RBM4: variants seen among roughly 807,000 people sequenced by gnomAD.
RBM4 encodes RNA binding motif protein 4, also known as RNA-binding protein 4.
In RBM4, 7 loss-of-function variants were observed where a neutral mutation model predicts 29.5. The ratio of observed to expected loss-of-function variants is 0.24; its 90% CI spans 0.14 to 0.45. RBM4 has a LOEUF of 0.45. Ranked by LOEUF, RBM4 falls within the 20% of genes least tolerant of loss-of-function variation. The pLI, the probability that RBM4 is intolerant of heterozygous loss-of-function variation, is 1.00. For missense variants in RBM4, 387 were observed against 502.3 expected (o/e 0.77, Z 2.19); for synonymous variants, 220 against 205.4 (o/e 1.07, Z -0.61).
At chr11:66,665,675 G>T (rs1426392789) in intron 2 of RBM4, 2 of 1,498,082 alleles carry the variant, frequency 1.3e-6, no homozygotes, top group East Asian at 2.5e-5. Context: ...ATTCCGGGGG[G>T]AAAAAAAAGA....
chr11:66,647,974 G>C (rs981548125), downstream of RBM4, among the ~76,000 whole-genome samples: 7 of 152,302 alleles, frequency 4.6e-5, no homozygotes, highest in East Asian at 1.4e-3. Flanking sequence ...GGAGGCCACG[G>C]TGGGTGGATC....
chr11:66,639,402 C>T (rs1938339882), intron 1 of RBM4: 5 of 389,290 alleles, frequency 1.3e-5, no homozygotes, highest in African/African-American at 2.0e-5. Context: ...CTAGTACCCC[C>T]ATTTCTTCAT....
intron 2 of RBM4, chr11:66,665,608 C>CAGTA (rs1565090425): frequency 6.5e-7 from 1 of 1,535,904 alleles, no homozygotes; most frequent in Admixed American, 2.0e-5. Context: ...AAGAGGCTTA[C>CAGTA]ACAATGCCTG....
At chr11:66,655,636 G>A (rs1938935704) in intron 2 of RBM4, among the ~76,000 whole-genome samples, 1 of 152,198 alleles carries the variant, frequency 6.6e-6, no homozygotes, top group Admixed American at 6.5e-5. Context: ...ATGTAAGTTA[G>A]CAACAGGTAT....
At chr11:66,649,991 A>T, downstream of RBM4, 1 of 509,358 alleles carries the variant, frequency 2.0e-6, no homozygotes, top group Non-Finnish European at 3.5e-6. Context: ...TTCGCTAGGT[A>T]CTCCCTGATT....
exon 3 of RBM4, chr11:66,668,307 T>C (rs1353963895): frequency 3.5e-6 from 1 of 283,154 alleles, no homozygotes; most frequent in African/African-American, 2.1e-5. Flanking sequence ...ACATAACAAA[T>C]GTTAGATCTC....
intron 2 of RBM4, among the ~76,000 whole-genome samples, chr11:66,655,038 T>C (rs1262416780): frequency 6.6e-6 from 1 of 151,968 alleles, no homozygotes; most frequent in East Asian, 1.9e-4. Context: ...CAGGCTGGAG[T>C]GCAGTGGCAT....
At chr11:66,639,014 C>G (rs1938312493) in intron 1 of RBM4, 1 of 152,174 alleles carries the variant, frequency 6.6e-6, no homozygotes, top group South Asian at 2.1e-4. Context: ...TGGGATAACC[C>G]CCTTTCCCTT....
chr11:66,665,729 G>T, intron 2 of RBM4: 1 of 1,371,368 alleles, frequency 7.3e-7, no homozygotes, highest in South Asian at 1.3e-5. Context: ...CATATCCCAT[G>T]TAATTACCTA....
downstream of RBM4, chr11:66,649,897 A>G (rs1023773502): frequency 8.1e-5 from 46 of 567,302 alleles, no homozygotes; most frequent in Admixed American, 1.5e-3. Context: ...GTTTTTCAAG[A>G]GTAATGCTTT....
At chr11:66,664,656 C>A (rs1275404168) in intron 2 of RBM4, among the ~76,000 whole-genome samples, 1 of 151,944 alleles carries the variant, frequency 6.6e-6, no homozygotes, top group Non-Finnish European at 1.5e-5. Flanking sequence ...GATGGGGTTT[C>A]ACGATATTGG....
At chr11:66,641,713 C>T (rs1007259228) in intron 2 of RBM4, among the ~76,000 whole-genome samples, 24 of 152,200 alleles carry the variant, frequency 1.6e-4, no homozygotes, top group Non-Finnish European at 2.9e-4. Context: ...GTTATTTTTA[C>T]CTTATTTTAT....
At chr11:66,667,485 A>G (rs1939278837) in exon 3 of RBM4, 1 of 152,220 alleles carries the variant, frequency 6.6e-6, no homozygotes, top group African/African-American at 2.4e-5. Flanking sequence ...AAATGACAGC[A>G]TAACAGACTA....
intron 2 of RBM4, among the ~76,000 whole-genome samples, chr11:66,662,784 A>T (rs1352420891): frequency 6.6e-6 from 1 of 152,050 alleles, no homozygotes; most frequent in Non-Finnish European, 1.5e-5. Context: ...AAACCTGCAA[A>T]TTTTTTTTCT....
chr11:66,657,108 C>CTTTTTTTTTTTTTTTTT (rs748071140), intron 2 of RBM4, among the ~76,000 whole-genome samples: 1 of 93,438 alleles, frequency 1.1e-5, no homozygotes, highest in Non-Finnish European at 2.1e-5. Context: ...ATTTTTTAGT[C>CTTTTTTTTTTTTTTTTT]TTTTTTTTTT....
At chr11:66,660,692 C>T (rs534862085) in intron 2 of RBM4, among the ~76,000 whole-genome samples, 118 of 148,892 alleles carry the variant, frequency 7.9e-4, no homozygotes, top group Non-Finnish European at 1.3e-3. Context: ...CTTGCTCTGT[C>T]GCCCAGGCTG....
intron 2 of RBM4, among the ~76,000 whole-genome samples, chr11:66,664,017 T>G (rs1015467742): frequency 1.3e-5 from 2 of 151,842 alleles, no homozygotes; most frequent in Admixed American, 6.6e-5. Context: ...TAAATCCTTT[T>G]TTGTTGTTTT....
At chr11:66,651,781 G>T (rs1387231655) in intron 2 of RBM4, among the ~76,000 whole-genome samples, 1 of 152,172 alleles carries the variant, frequency 6.6e-6, no homozygotes, top group African/African-American at 2.4e-5. Context: ...CGTGGCAGAC[G>T]TGGTGTCTGG....
At chr11:66,640,399 T>C (rs1938391599) in intron 2 of RBM4, 2 of 538,802 alleles carry the variant, frequency 3.7e-6, no homozygotes, top group Non-Finnish European at 6.5e-6. Flanking sequence ...TTTGAAGGCT[T>C]TCTGAGTTAC....
Sources: allele counts gnomAD v4.1 joint callset (sites outside exome capture counted in the v4.1 genomes callset), GRCh38; gene constraint gnomAD v4.1.1; transcripts MANE v1.5; gene names NCBI Gene and HGNC (gene_info 2026-07-23, HGNC 2026-07-21).